FKBP5: variants seen among roughly 807,000 people sequenced by gnomAD.
FKBP5 encodes the protein peptidyl-prolyl cis-trans isomerase FKBP5.
FKBP5 carries 23 observed loss-of-function variants against 50.5 expected under a neutral mutation model. The ratio of observed to expected loss-of-function variants is 0.46; its 90% CI spans 0.33 to 0.65. FKBP5 has a LOEUF of 0.65. FKBP5 is among the 30% of genes least tolerant of loss of function. The probability of loss-of-function intolerance (pLI) is 0.02; values close to 1 mark genes in which losing one functional copy is unlikely to be tolerated. For synonymous variants in FKBP5, 176 were observed against 190.6 expected, an observed-to-expected ratio of 0.92 and a Z score of 0.63; for missense variants, 411 against 553.1, an observed-to-expected ratio of 0.74 and a Z score of 2.58.
rs144937207 is a variant in FKBP5 at position 35,631,128 on chromosome 6, T to C, written c.250+5886A>G. The stretch of plus-strand genomic sequence containing the variant: ...AGATACTACTTCATACTTACTAGAA[T>C]GGCTAAAGTTAAAAAGATCGACAAT... On this transcript the variant is annotated intron_variant, in intron 3 of 10. Coordinates refer to ENST00000357266, the MANE Select transcript of FKBP5 (RefSeq NM_004117.4). 2.6e-3 allele frequency among the ~76,000 whole-genome samples: 402 copies of C among 152,312 alleles called. 2 individuals carry two copies. The highest frequency in any genetic ancestry group is 9.4e-3 in the African/African-American group (389 of 41,576).
chr6:35,646,095 G>T (rs149886919), intron 1 of FKBP5, among the ~76,000 whole-genome samples: 17 of 152,262 alleles, frequency 1.1e-4, no homozygotes, highest in African/African-American at 4.1e-4. Context: ...TAGCCTGGGT[G>T]ACAGAGCAAG....
chr6:35,576,037 G>GT (rs1762201383), intron 10 of FKBP5, 95 bp from the exon 11 acceptor site: 1 of 853,006 alleles, frequency 1.2e-6, no homozygotes, highest in African/African-American at 1.7e-5. Context: ...CAAACACGAG[G>GT]TATTGCAATG....
intron 2 of FKBP5, among the ~76,000 whole-genome samples, chr6:35,706,439 A>G (rs1047546069): frequency 2.0e-5 from 3 of 150,646 alleles, no homozygotes; most frequent in East Asian, 1.9e-4. Flanking sequence ...AAAAAAAAAA[A>G]AAAGAAAAGA....
chr6:35,623,659 T>C (rs1281878239), intron 3 of FKBP5, among the ~76,000 whole-genome samples: 1 of 151,714 alleles, frequency 6.6e-6, no homozygotes, highest in Non-Finnish European at 1.5e-5. Context: ...AGCCTCAACC[T>C]CCCAGGCTCA....
chr6:35,683,102 GTGTATATATATACGTATA>G (rs1765718500), intron 1 of FKBP5, among the ~76,000 whole-genome samples: 1 of 148,412 alleles, frequency 6.7e-6, no homozygotes, highest in Non-Finnish European at 1.5e-5. Flanking sequence ...AAAAGTGTGT[GTGTATATATATACGTATA>G]TGTGTGTGTG....
intron 1 of FKBP5, among the ~76,000 whole-genome samples, chr6:35,676,290 G>A (rs934356296): frequency 6.6e-5 from 10 of 152,134 alleles, no homozygotes; most frequent in Non-Finnish European, 1.0e-4. Context: ...AACCGCTATC[G>A]GAAACAGAAA....
rs1385821788 is a variant in FKBP5 at position 35,574,410 on chromosome 6, A to T, written c.*1425T>A. On this transcript the variant is annotated 3_prime_UTR_variant, in exon 11 of 11. Transcript: ENST00000357266. ...TCCTTGGGTTGCCAAATGCATTCCC[A>T]TGAGTGTTTCTTAGGCTGAGGGAAT... 1 of 152,252 alleles carries T rather than the reference A, an allele frequency of 6.6e-6. No individual in the cohort carries two copies. The highest frequency in any genetic ancestry group is 2.4e-5 in the African/African-American group (1 of 41,470). The allele number at this position is 152,252 out of a possible 1,614,324, so 9.4% of individuals were successfully genotyped here.
At chr6:35,618,975 C>T (rs1312645780) in intron 5 of FKBP5, 121 bp downstream of exon 5, 4 of 673,316 alleles carry the variant, frequency 5.9e-6, no homozygotes, top group Non-Finnish European at 1.0e-5. Context: ...GGATTACAGG[C>T]GTGAGTCACT....
chr6:35,643,373 T>G (rs1442417604), intron 1 of FKBP5, among the ~76,000 whole-genome samples: 4 of 152,184 alleles, frequency 2.6e-5, no homozygotes, highest in Non-Finnish European at 5.9e-5. Flanking sequence ...CAGTACACTA[T>G]TCATAGTTAC....
chr6:35,618,363 T>C (rs1230149719), intron 5 of FKBP5, among the ~76,000 whole-genome samples: 6 of 152,298 alleles, frequency 3.9e-5, no homozygotes, highest in South Asian at 2.1e-4. Flanking sequence ...ATTAAATAAA[T>C]GTTGAACCTG....
At chr6:35,645,320 T>G (rs929389695) in intron 1 of FKBP5, among the ~76,000 whole-genome samples, 1 of 152,220 alleles carries the variant, frequency 6.6e-6, no homozygotes, top group Non-Finnish European at 1.5e-5. Context: ...TCCCAACTAC[T>G]CAGGTGGCTG....
intron 5 of FKBP5, among the ~76,000 whole-genome samples, chr6:35,614,568 A>T (rs188539635): frequency 1.8e-4 from 28 of 152,244 alleles, no homozygotes; most frequent in African/African-American, 6.7e-4. Flanking sequence ...AAGTGTTTTG[A>T]ATATACACTA....
chr6:35,595,125 G>A (rs1395284409), intron 6 of FKBP5, among the ~76,000 whole-genome samples: 1 of 152,192 alleles, frequency 6.6e-6, no homozygotes, highest in Non-Finnish European at 1.5e-5. Flanking sequence ...AAGCTTAGGA[G>A]GGTTAAGTGC....
chr6:35,583,288 T>C (rs1490156494), intron 8 of FKBP5: 1 of 985,218 alleles, frequency 1.0e-6, no homozygotes, highest in East Asian at 1.1e-4. Context: ...TCCTAATATA[T>C]TGTATAGGGA....
intron 1 of FKBP5, among the ~76,000 whole-genome samples, chr6:35,679,398 G>A (rs2151009294): frequency 6.6e-6 from 1 of 152,202 alleles, no homozygotes; most frequent in Admixed American, 6.5e-5. Flanking sequence ...CCATAAAAGG[G>A]GAAAAGGCCT....
At chr6:35,680,494 A>T (rs571201085) in intron 1 of FKBP5, among the ~76,000 whole-genome samples, 1 of 152,354 alleles carries the variant, frequency 6.6e-6, no homozygotes, top group South Asian at 2.1e-4. Flanking sequence ...TAATGAACAC[A>T]TACTAAAAAT....
exon 1 of FKBP5, chr6:35,728,555 A>G (rs988940019): frequency 6.6e-6 from 1 of 152,248 alleles, no homozygotes; most frequent in Non-Finnish European, 1.5e-5. Flanking sequence ...TGTAACTCTT[A>G]GTTGCAAACA....
At chr6:35,616,389 G>A (rs1763660701) in intron 5 of FKBP5, among the ~76,000 whole-genome samples, 1 of 149,248 alleles carries the variant, frequency 6.7e-6, no homozygotes, top group Non-Finnish European at 1.5e-5. Flanking sequence ...GAAAACGACA[G>A]TAGTGTAGTA....
intron 8 of FKBP5, chr6:35,583,397 A>T (rs1762504410): frequency 1.0e-6 from 1 of 985,456 alleles, no homozygotes; most frequent in Non-Finnish European, 1.2e-6. Flanking sequence ...AACAAAACAA[A>T]ACACAAAAAA....
Sources: allele counts gnomAD v4.1 joint callset (sites outside exome capture counted in the v4.1 genomes callset), GRCh38; gene constraint gnomAD v4.1.1; transcripts MANE v1.5; gene names NCBI Gene and HGNC (gene_info 2026-07-23, HGNC 2026-07-21).